Variants in ZNF652 observed in about 807,000 individuals in gnomAD.
ZNF652 encodes the protein zinc finger protein 652.
In ZNF652, 16 loss-of-function variants were observed where a neutral mutation model predicts 45.2. That is an observed-to-expected ratio of 0.35 (90% confidence interval 0.24 to 0.54). The LOEUF (loss-of-function observed/expected upper bound fraction) is 0.54. Ranked by LOEUF, ZNF652 falls within the 20% of genes least tolerant of loss-of-function variation. The probability of loss-of-function intolerance (pLI) is 0.91; values close to 1 mark genes in which losing one functional copy is unlikely to be tolerated. For missense variants in ZNF652, 614 were observed against 765.6 expected (o/e 0.80, Z 2.34); for synonymous variants, 250 against 260.6 (o/e 0.96, Z 0.39).
intron 1 of ZNF652, among the ~76,000 whole-genome samples, chr17:49,349,855 A>G (rs998911230): frequency 6.6e-6 from 1 of 152,226 alleles, no homozygotes; most frequent in African/African-American, 2.4e-5. Context: ...TGTGAATGTC[A>G]CAAGATAACT....
intron 1 of ZNF652, among the ~76,000 whole-genome samples, chr17:49,351,021 A>ATATG (rs2070275061): frequency 1.4e-5 from 1 of 71,976 alleles, no homozygotes; most frequent in African/African-American, 7.0e-5. Context: ...ATATACACAC[A>ATATG]CACACACACA....
In ZNF652 at chr17:49,292,859, C is replaced by G. The variant is rs1337174080; in HGVS notation, c.*5554G>C. 6.6e-6 allele frequency among the ~76,000 whole-genome samples: 1 copy of G among 152,110 alleles called. No individual in the cohort carries two copies. Among genetic ancestry groups the G allele is most frequent in the Non-Finnish European group, 1.5e-5 (1 of 68,022 alleles). On this transcript the variant is annotated 3_prime_UTR_variant, in exon 6 of 6. Coordinates refer to ENST00000430262, the MANE Select transcript of ZNF652 (RefSeq NM_001145365.3). The stretch of plus-strand genomic sequence containing the variant: ...ACAAAACAGAAATACGGTCAAAATT[C>G]TTGTCCAAGGTTTTAGCTAGTTTGT...
chr17:49,314,875 TTTTTG>T (rs2069776672), intron 2 of ZNF652, among the ~76,000 whole-genome samples: 1 of 151,996 alleles, frequency 6.6e-6, no homozygotes, highest in Non-Finnish European at 1.5e-5. Context: ...TAGGGCAGGT[TTTTTG>T]TTTTGTTTTT....
Position 49,311,462 on chromosome 17 carries a change from T to A in ZNF652, c.1165-6A>T. On this transcript the variant is annotated splice_polypyrimidine_tract_variant and splice_region_variant and intron_variant, in intron 4 of 5. Coordinates refer to ENST00000430262, the MANE Select transcript of ZNF652 (RefSeq NM_001145365.3). ...TGAAACCTTTCGTCACAGTTCTGCA[T>A]TGGATACAGTGGAGATTTTTGAATG... 1 of 1,612,790 alleles carries A rather than the reference T, an allele frequency of 6.2e-7. No individual in the cohort carries two copies. The highest frequency in any genetic ancestry group is 8.5e-7 in the Non-Finnish European group (1 of 1,178,990).
chr17:49,309,329 TAAAAAAAAAAAAAA>T (rs11307814), intron 5 of ZNF652, among the ~76,000 whole-genome samples: 3 of 66,310 alleles, frequency 4.5e-5, no homozygotes, highest in Non-Finnish European at 8.3e-5. Context: ...CTGTCTCTAC[TAAAAAAAAAAAAAA>T]AAAAAAAAAA....
At chr17:49,328,992 T>G (rs551964872) in intron 1 of ZNF652, among the ~76,000 whole-genome samples, 1 of 152,320 alleles carries the variant, frequency 6.6e-6, no homozygotes, top group Non-Finnish European at 1.5e-5. Context: ...TGTACTTAGG[T>G]TTTTGAACAA....
At position 49,295,742 on chromosome 17, in the gene ZNF652, A is replaced by G. The variant is rs970130171; in HGVS notation, c.*2671T>C. 1.3e-5 allele frequency: 2 copies of G among 152,108 alleles called. No homozygotes were observed. Among genetic ancestry groups the G allele is most frequent in the East Asian group, 1.9e-4 (1 of 5,180 alleles). 9.4% of individuals were successfully genotyped at this position (152,108 alleles called of 1,614,324 possible). A position where few individuals can be genotyped will look rare whatever the true frequency, so the allele number is the denominator to read the frequency against. On this transcript the variant is annotated 3_prime_UTR_variant, in exon 6 of 6. Coordinates refer to ENST00000430262, the MANE Select transcript of ZNF652 (RefSeq NM_001145365.3). ...ATCACAAGGTCAGGAGTTTGAGACC[A>G]GCCTGGCCAATATGGTGAAACCCCA...
intron 5 of ZNF652, 101 bp downstream of exon 5, chr17:49,311,211 A>T: frequency 7.8e-7 from 1 of 1,285,572 alleles, no homozygotes; most frequent in Admixed American, 2.3e-5. Context: ...TTTTGCTTTG[A>T]ATGCAAATTT....
intron 1 of ZNF652, among the ~76,000 whole-genome samples, chr17:49,334,496 T>C (rs1486193878): frequency 1.3e-5 from 2 of 151,250 alleles, no homozygotes; most frequent in Middle Eastern, 3.5e-3. Context: ...AAAGAAGAAA[T>C]GGCCGGGCAT....
chr17:49,361,254 G>C (rs1291867514), intron 1 of ZNF652: 1 of 152,162 alleles, frequency 6.6e-6, no homozygotes, highest in Non-Finnish European at 1.5e-5. Flanking sequence ...TTCTATTGGA[G>C]ACATCCCTCG....
At chr17:49,322,750 A>T (rs8080921) in intron 1 of ZNF652, among the ~76,000 whole-genome samples, 113,666 of 152,036 alleles carry the variant, frequency 0.75, 42,552 homozygotes, top group Middle Eastern at 0.78. Context: ...CTGGGTGTGG[A>T]GGCAGGCACC....
chr17:49,321,421 G>A (rs956539672), intron 1 of ZNF652, among the ~76,000 whole-genome samples: 1 of 107,218 alleles, frequency 9.3e-6, no homozygotes, highest in Non-Finnish European at 1.8e-5. Context: ...CCACCACCAC[G>A]CTTTTTTTTT....
intron 1 of ZNF652, among the ~76,000 whole-genome samples, chr17:49,360,176 A>C (rs182434113): frequency 6.6e-6 from 1 of 152,236 alleles, no homozygotes; most frequent in Non-Finnish European, 1.5e-5. Flanking sequence ...TCCTAATCAA[A>C]GAACAAAACA....
intron 2 of ZNF652, 59 bp downstream of exon 2, chr17:49,316,767 T>C: frequency 4.0e-6 from 6 of 1,513,514 alleles, no homozygotes; most frequent in Non-Finnish European, 4.4e-6. Context: ...GGATACCAGA[T>C]GAATCTGAAC....
At chr17:49,311,484 A>G in intron 4 of ZNF652, 28 bp from the exon 5 acceptor site, 2 of 1,606,070 alleles carry the variant, frequency 1.2e-6, no homozygotes, top group Non-Finnish European at 1.7e-6. Context: ...GAGATTTTTG[A>G]ATGCCAAGCA....
intron 1 of ZNF652, among the ~76,000 whole-genome samples, chr17:49,329,450 G>GT (rs1254917298): frequency 6.6e-6 from 1 of 152,164 alleles, no homozygotes; most frequent in African/African-American, 2.4e-5. Context: ...ACATCAACTT[G>GT]TAACAGTCAT....
intron 1 of ZNF652, among the ~76,000 whole-genome samples, chr17:49,356,993 GT>G (rs200120399): frequency 2.1e-5 from 3 of 140,856 alleles, no homozygotes; most frequent in African/African-American, 2.6e-5. Flanking sequence ...CTTGAACTAT[GT>G]TTTAAAAAAA....
upstream of ZNF652, chr17:49,362,365 T>G (rs2070411217): frequency 6.6e-6 from 1 of 150,912 alleles, no homozygotes; most frequent in South Asian, 2.1e-4. Flanking sequence ...TCCCGGCCGC[T>G]GGGAGCGGCG....
chr17:49,317,869 C>A lies in ZNF652; in HGVS notation c.-144G>T, dbSNP rs2069832953. 1.1e-6 allele frequency: 1 copy of A among 935,048 alleles called. No individual in the cohort carries two copies. Among genetic ancestry groups the A allele is most frequent in the Admixed American group, 3.2e-5 (1 of 31,600 alleles). The allele number at this position is 935,048 out of a possible 1,614,324, so 57.9% of individuals were successfully genotyped here. A position where few individuals can be genotyped will look rare whatever the true frequency, so the allele number is the denominator to read the frequency against. On this transcript the variant is annotated 5_prime_UTR_variant, in exon 2 of 6. Coordinates refer to ENST00000430262, the MANE Select transcript of ZNF652 (RefSeq NM_001145365.3). ...ATATTCCTGGAAACTGTGTGCAATT[C>A]TTCCAGTGTTGCAGCACCAAAGCAT...
Sources: allele counts gnomAD v4.1 joint callset (sites outside exome capture counted in the v4.1 genomes callset), GRCh38; gene constraint gnomAD v4.1.1; transcripts MANE v1.5; gene names NCBI Gene and HGNC (gene_info 2026-07-23, HGNC 2026-07-21).